The following COQ6 variants were observed in gnomAD, a reference collection of about 807,000 sequenced individuals.
The protein encoded by COQ6 is ubiquinone biosynthesis monooxygenase COQ6, mitochondrial.
In COQ6, 45 loss-of-function variants were observed where a neutral mutation model predicts 55.5. The ratio of observed to expected loss-of-function variants is 0.81; its 90% confidence interval spans 0.64 to 1.04. The LOEUF (loss-of-function observed/expected upper bound fraction) is 1.04. COQ6 is among the 50% of genes least tolerant of loss of function. COQ6 has a pLI of 0.00. For synonymous variants in COQ6, 206 were observed against 230.5 expected, an observed-to-expected ratio of 0.89 and a Z score of 0.96; for missense variants, 550 against 601.3, an observed-to-expected ratio of 0.91 and a Z score of 0.89.
chr14:73,950,152 C>T (rs2056127743), upstream of COQ6: 3 of 1,592,012 alleles, frequency 1.9e-6, no homozygotes, highest in Non-Finnish European at 2.6e-6. Context: ...CCAGGGCAGC[C>T]TCCGATCCAT....
chr14:73,962,579 G>T, intron 11 of COQ6: 1 of 187,966 alleles, frequency 5.3e-6, no homozygotes, highest in Non-Finnish European at 1.1e-5. Flanking sequence ...AAAATGAATA[G>T]GGATTTCTAA....
At position 73,958,144 on chromosome 14, in the gene COQ6, CA is replaced by C. The variant is rs1249224027; in HGVS notation, c.482-2del. ...TTTTTTTCCTCTCTTTTGACCTCCC[CA>C]GACCGAGTGACGGTTCTCTACAGGA... On this transcript the variant is annotated splice_acceptor_variant, in intron 4 of 11. Coordinates refer to ENST00000334571, the MANE Select transcript of COQ6 (RefSeq NM_182476.3). LOFTEE classifies it high-confidence loss of function. 4.3e-6 allele frequency: 7 copies of C among 1,613,882 alleles called. No individual in the cohort carries two copies. The highest frequency in any genetic ancestry group is 5.9e-6 in the Non-Finnish European group (7 of 1,179,850).
chr14:73,961,426 G>T, intron 9 of COQ6, 29 bp from the exon 10 acceptor site: 1 of 1,613,722 alleles, frequency 6.2e-7, no homozygotes, highest in Non-Finnish European at 8.5e-7. Context: ...GCTGCCAGAG[G>T]TCACACCTGA....
Position 73,955,436 on chromosome 14 carries a change from T to C in COQ6, c.299-15T>C. The stretch of plus-strand genomic sequence containing the variant: ...TTGTGAAGTCACTCTGGTCTATAGA[T>C]CCTTTCTTTTGTAGGTTTTGGTGCC... On this transcript the variant is annotated splice_polypyrimidine_tract_variant and intron_variant, in intron 2 of 11. Coordinates refer to ENST00000334571, the MANE Select transcript of COQ6 (RefSeq NM_182476.3). The C allele has an allele frequency of 6.2e-7, 1 of 1,612,648 alleles. No individual in the cohort carries two copies. The highest frequency in any genetic ancestry group is 8.5e-7 in the Non-Finnish European group (1 of 1,178,654).
chr14:73,961,275 C>A lies in COQ6; in HGVS notation c.994C>A (p.Pro332Thr), dbSNP rs2056716636. ...KPTKVSARQL[P>T]PSVARVDAKS... ...CACTAAGGTCTCGGCTCGCCAGCTG[C>A]CCCCAAGCGTAGCCAGGGTGGATGC... The change falls in exon 9 of 12, where the codon CCC (proline) becomes ACC (threonine). Residue 332 changes from proline (P) to threonine (T), a missense_variant. Physicochemically the swap from Pro to Thr is conservative, Grantham distance 38 (BLOSUM62 -1). Coordinates refer to ENST00000334571, the MANE Select transcript of COQ6 (RefSeq NM_182476.3). 1.2e-6 allele frequency: 2 copies of A among 1,614,040 alleles called. No homozygotes were observed. The highest frequency in any genetic ancestry group is 1.7e-6 in the Non-Finnish European group (2 of 1,180,022).
In COQ6 at chr14:73,963,050, C is replaced by G. The variant is rs1273631791; in HGVS notation, c.*51C>G. On this transcript the variant is annotated 3_prime_UTR_variant, in exon 12 of 12. Coordinates refer to ENST00000334571, the MANE Select transcript of COQ6 (RefSeq NM_182476.3). The stretch of plus-strand genomic sequence containing the variant: ...CGTTGATGAAAAAGAACATCCTGCC[C>G]AGGACCCATCATACATATTTTCAAG... 1 of 1,308,306 alleles carries G rather than the reference C, an allele frequency of 7.6e-7. No homozygotes were observed. The allele number at this position is 1,308,306 out of a possible 1,614,324, so 81.0% of individuals were successfully genotyped here.
upstream of COQ6, chr14:73,950,050 G>C: frequency 6.2e-7 from 1 of 1,610,784 alleles, no homozygotes; most frequent in South Asian, 1.1e-5. Context: ...AGGCAGCAGC[G>C]ACAGTGACAG....
chr14:73,961,007 G>A (rs1187822604), intron 8 of COQ6, 166 bp from the exon 9 acceptor site: 5 of 793,664 alleles, frequency 6.3e-6, no homozygotes, highest in African/African-American at 5.1e-5. Flanking sequence ...GGGGAGTGAT[G>A]AGAAGTTGCT....
rs1284513496 is a variant in COQ6, at chr14:73,950,513, C to T, written c.163+18C>T. 2.5e-6 allele frequency: 4 copies of T among 1,590,834 alleles called. No homozygotes were observed. The highest frequency in any genetic ancestry group is 1.3e-5 in the African/African-American group (1 of 74,524). ...TGCCTTGGGTAAGCCCTTCTCCAGGCTACTAGTGGCCGGAAACCGGGCCGC... is the reference window on the plus strand; with the variant it reads ...TGCCTTGGGTAAGCCCTTCTCCAGGTTACTAGTGGCCGGAAACCGGGCCGC... On this transcript the variant is annotated intron_variant, in intron 1 of 11. Coordinates refer to ENST00000334571, the MANE Select transcript of COQ6 (RefSeq NM_182476.3).
At chr14:73,950,041 G>A (rs750589173), upstream of COQ6, 1 of 1,611,400 alleles carries the variant, frequency 6.2e-7, no homozygotes, top group South Asian at 1.1e-5. Context: ...GCTGGACAGA[G>A]GCAGCAGCGA....
At chr14:73,958,721 C>T (rs2056562428) in intron 5 of COQ6, 1 of 1,401,728 alleles carries the variant, frequency 7.1e-7, no homozygotes, top group African/African-American at 1.4e-5. Flanking sequence ...GTTCAAATAT[C>T]AGGAGGGCCT....
intron 4 of COQ6, chr14:73,957,906 T>C (rs1429422214): frequency 2.1e-6 from 1 of 481,498 alleles, no homozygotes; most frequent in African/African-American, 2.0e-5. Context: ...ATGTGGACAG[T>C]AAGAAAGAGT....
chr14:73,958,631 G>T, intron 5 of COQ6: 2 of 1,290,804 alleles, frequency 1.5e-6, no homozygotes, highest in Non-Finnish European at 2.0e-6. Context: ...CTTTTTGCAT[G>T]GTAGCCATTC....
chr14:73,955,789 C>T lies in COQ6; in HGVS notation c.358-16C>T. 1 of 1,614,138 alleles carries T rather than the reference C, an allele frequency of 6.2e-7. No individual in the cohort carries two copies. Among genetic ancestry groups the T allele is most frequent in the Non-Finnish European group, 8.5e-7 (1 of 1,180,008 alleles). Reference sequence around the variant, plus strand: ...CCCTCTTGGTTTTAATGCAGACTTTCCTTTTGTGTTTCCAGGTGTGGGACG... The same window carrying T: ...CCCTCTTGGTTTTAATGCAGACTTTTCTTTTGTGTTTCCAGGTGTGGGACG... On this transcript the variant is annotated splice_polypyrimidine_tract_variant and intron_variant, in intron 3 of 11. Transcript: ENST00000334571.
Position 73,961,796 on chromosome 14 carries a change from C to T in COQ6, c.1270C>T (p.Leu424=). Residue 424 remains leucine, a synonymous_variant, in exon 11 of 12, where the codon CTG becomes TTG. Coordinates refer to ENST00000334571, the MANE Select transcript of COQ6 (RefSeq NM_182476.3). The part of the protein sequence containing the change: ...TERQRHNTAL[L]AATDLLKRLY... ...AAGACAGCGTCACAACACTGCTCTT[C>T]TGGCTGCTACAGACTTACTAAAAAG... 6.2e-7 allele frequency: 1 copy of T among 1,614,184 alleles called. No homozygotes were observed. Among genetic ancestry groups the T allele is most frequent in the Non-Finnish European group, 8.5e-7 (1 of 1,180,018 alleles).
In COQ6 at chr14:73,955,821, C is replaced by T. The variant is rs370159435; in HGVS notation, c.374C>T (p.Ser125Leu). ...TGTTTCCAGGTGTGGGACGCCTGCT[C>T]AGAGGCCCTGATAATGTTTGATAAG... ...FRRMQVWDAC[S>L]EALIMFDKDN... The change falls in exon 4 of 12, where the codon TCA (serine) becomes TTA (leucine). Residue 125 changes from serine to leucine, a missense_variant. Ser to Leu is a moderately radical substitution (Grantham distance 145). Transcript: ENST00000334571. 7 of 1,613,994 alleles carry T rather than the reference C, an allele frequency of 4.3e-6. No homozygotes were observed. In the African/African-American group the frequency reaches 8.0e-5, roughly 18 times the overall value.
rs762388620 is a variant in COQ6, at chr14:73,959,035, A to G, written c.677A>G (p.Asn226Ser). Residue 226 changes from asparagine to serine, a missense_variant, in exon 6 of 12, where the codon AAC becomes AGC. By Grantham distance (46) the Asn-to-Ser change is conservative. Transcript: ENST00000334571. ...QAVGIQNVSW[N>S]YDQSAVVATL... ...GTTGGAATCCAGAATGTGAGCTGGAACTATGACCAGTCTGCTGTTGTGGCT... is the reference window on the plus strand; with the variant it reads ...GTTGGAATCCAGAATGTGAGCTGGAGCTATGACCAGTCTGCTGTTGTGGCT... 5.0e-6 allele frequency: 8 copies of G among 1,614,182 alleles called. No individual in the cohort carries two copies. The South Asian group carries it at 7.7e-5, about 16-fold the overall frequency.
intron 4 of COQ6, among the ~76,000 whole-genome samples, chr14:73,957,768 G>T (rs1003757251): frequency 6.6e-6 from 1 of 152,148 alleles, no homozygotes; most frequent in African/African-American, 2.4e-5. Flanking sequence ...AAAATAAAAT[G>T]ATTTCCAGCT....
chr14:73,950,065 A>AGTGGCAGCAGCG (rs376650648), upstream of COQ6: 27 of 1,608,862 alleles, frequency 1.7e-5, no homozygotes, highest in Non-Finnish European at 2.3e-5. Flanking sequence ...TGACAGCGAT[A>AGTGGCAGCAGCG]GTGGCAGCAG....
Sources: allele counts gnomAD v4.1 joint callset (sites outside exome capture counted in the v4.1 genomes callset), GRCh38; gene constraint gnomAD v4.1.1; transcripts MANE v1.5; gene names NCBI Gene and HGNC (gene_info 2026-07-23, HGNC 2026-07-21).